RIMKLB: variants seen among roughly 807,000 people sequenced by gnomAD.
RIMKLB encodes the protein beta-citrylglutamate synthase B.
Under a neutral mutation model 32.0 loss-of-function variants are expected in RIMKLB, and 7 were observed. That is an observed-to-expected ratio of 0.22 (90% CI 0.12 to 0.41). RIMKLB has a LOEUF of 0.41. RIMKLB is among the 10% of genes least tolerant of loss of function. RIMKLB has a pLI of 1.00. For synonymous variants in RIMKLB, 172 were observed against 185.1 expected, an observed-to-expected ratio of 0.93 and a Z score of 0.57; for missense variants, 289 against 498.7, an observed-to-expected ratio of 0.58 and a Z score of 4.00.
chr12:8,753,041 C>T (rs1948747073), intron 4 of RIMKLB, among the ~76,000 whole-genome samples: 1 of 152,128 alleles, frequency 6.6e-6, no homozygotes, highest in Non-Finnish European at 1.5e-5. Flanking sequence ...CCACTGCGCC[C>T]AGCCTAAGGT....
chr12:8,761,538 C>T (rs1273009528), intron 5 of RIMKLB, among the ~76,000 whole-genome samples: 2 of 152,112 alleles, frequency 1.3e-5, no homozygotes, highest in Admixed American at 6.5e-5. Context: ...TCCCCCTGTG[C>T]TCTTCAGGCG....
rs1369512412 is a variant in RIMKLB, at chr12:8,776,634, C to T, written c.*2850C>T. 1.1e-5 allele frequency: 10 copies of T among 919,660 alleles called. No individual in the cohort carries two copies. The highest frequency in any genetic ancestry group is 1.3e-5 in the Non-Finnish European group (10 of 770,386). 57.0% of individuals were successfully genotyped at this position (919,660 alleles called of 1,614,324 possible). On this transcript the variant is annotated 3_prime_UTR_variant, in exon 6 of 6. Transcript: ENST00000535829. ...GAAAACTGGACTTTATATATCTAAACATACAAGTATGAACTATTCTATTTA... is the reference window on the plus strand; with the variant it reads ...GAAAACTGGACTTTATATATCTAAATATACAAGTATGAACTATTCTATTTA...
chr12:8,740,136 C>A (rs1311637966), intron 2 of RIMKLB, among the ~76,000 whole-genome samples: 1 of 151,796 alleles, frequency 6.6e-6, no homozygotes, highest in Non-Finnish European at 1.5e-5. Flanking sequence ...AGACTCCTCA[C>A]CTCAAGTGGT....
chr12:8,684,714 AG>A (rs1942516281), intron 1 of RIMKLB, among the ~76,000 whole-genome samples: 1 of 152,108 alleles, frequency 6.6e-6, no homozygotes, highest in African/African-American at 2.4e-5. Context: ...GCAACCTCCC[AG>A]GTTCAAGTGA....
chr12:8,749,113 G>A (rs1424374760), intron 2 of RIMKLB, among the ~76,000 whole-genome samples: 1 of 152,058 alleles, frequency 6.6e-6, no homozygotes, highest in East Asian at 1.9e-4. Flanking sequence ...AATATAGATT[G>A]AGAATTGCAT....
chr12:8,721,996 G>A (rs1193526900), intron 2 of RIMKLB, among the ~76,000 whole-genome samples: 3 of 151,860 alleles, frequency 2.0e-5, no homozygotes, highest in Non-Finnish European at 2.9e-5. Context: ...CACCCACCTC[G>A]GCCTCCCAAA....
intron 2 of RIMKLB, 128 bp from the exon 3 acceptor site, chr12:8,749,734 C>G: frequency 1.6e-6 from 1 of 641,328 alleles, no homozygotes; most frequent in Non-Finnish European, 2.7e-6. Context: ...AGGAGTATCT[C>G]TATCCCAATT....
At chr12:8,739,077 A>G (rs867182296) in intron 2 of RIMKLB, among the ~76,000 whole-genome samples, 22 of 152,204 alleles carry the variant, frequency 1.4e-4, no homozygotes, top group Admixed American at 2.6e-4. Flanking sequence ...TCTAGAAAAG[A>G]CTTTTTTAAA....
chr12:8,709,465 A>G (rs1256244509), intron 1 of RIMKLB, among the ~76,000 whole-genome samples: 1 of 152,262 alleles, frequency 6.6e-6, no homozygotes, highest in Non-Finnish European at 1.5e-5. Context: ...GGGCAGAAGC[A>G]GGCAGGCACG....
chr12:8,748,417 G>GAAAAA (rs751182724), intron 2 of RIMKLB, among the ~76,000 whole-genome samples: 1 of 149,910 alleles, frequency 6.7e-6, no homozygotes, highest in Non-Finnish European at 1.5e-5. Flanking sequence ...GTGTGTATAG[G>GAAAAA]AAAAAAAACA....
At chr12:8,754,554 CCTCTT>C (rs1298376657) in intron 5 of RIMKLB, among the ~76,000 whole-genome samples, 1 of 152,166 alleles carries the variant, frequency 6.6e-6, no homozygotes, top group East Asian at 1.9e-4. Context: ...TTTTTATCCT[CCTCTT>C]CTCTGTTTAT....
intron 2 of RIMKLB, among the ~76,000 whole-genome samples, chr12:8,728,631 G>A (rs954022925): frequency 6.6e-6 from 1 of 151,936 alleles, no homozygotes; most frequent in Admixed American, 6.6e-5. Flanking sequence ...TATTTTTTGA[G>A]ACAAGAGTTT....
At chr12:8,735,114 C>G (rs1386073289) in intron 2 of RIMKLB, among the ~76,000 whole-genome samples, 3 of 152,120 alleles carry the variant, frequency 2.0e-5, no homozygotes, top group Non-Finnish European at 4.4e-5. Context: ...GTTTGTAGGT[C>G]AAATCAAAAA....
At chr12:8,678,098 T>C (rs1008491795), upstream of RIMKLB, among the ~76,000 whole-genome samples, 1 of 151,576 alleles carries the variant, frequency 6.6e-6, no homozygotes, top group Non-Finnish European at 1.5e-5. Context: ...CCTTGCCCCT[T>C]GTTTTTTAGC....
At chr12:8,719,368 T>C (rs1171042553) in intron 2 of RIMKLB, among the ~76,000 whole-genome samples, 1 of 152,160 alleles carries the variant, frequency 6.6e-6, no homozygotes, top group African/African-American at 2.4e-5. Flanking sequence ...TTTTTTTGTT[T>C]TGTTTTGTTT....
chr12:8,744,068 A>C (rs1947846661), intron 2 of RIMKLB, among the ~76,000 whole-genome samples: 1 of 151,956 alleles, frequency 6.6e-6, no homozygotes, highest in African/African-American at 2.4e-5. Flanking sequence ...TTTACTAAAT[A>C]ACATGGGTCT....
intron 7 of RIMKLB, among the ~76,000 whole-genome samples, chr12:8,782,210 AAG>A (rs1203866619): frequency 6.6e-6 from 1 of 150,818 alleles, no homozygotes; most frequent in Non-Finnish European, 1.5e-5. Flanking sequence ...CCTGGAACAC[AAG>A]AGAGCATTTA....
At chr12:8,781,255 C>G (rs765174967), downstream of RIMKLB, among the ~76,000 whole-genome samples, 1 of 152,116 alleles carries the variant, frequency 6.6e-6, no homozygotes, top group Admixed American at 6.5e-5. Flanking sequence ...GCAGGAGAAT[C>G]GCTTGAAACC....
intron 2 of RIMKLB, among the ~76,000 whole-genome samples, chr12:8,736,474 G>T (rs1483333553): frequency 3.3e-5 from 5 of 149,374 alleles, no homozygotes; most frequent in African/African-American, 1.2e-4. Flanking sequence ...TGTTTTCTGA[G>T]CTATTTAGAT....
Sources: allele counts gnomAD v4.1 joint callset (sites outside exome capture counted in the v4.1 genomes callset), GRCh38; gene constraint gnomAD v4.1.1; transcripts MANE v1.5; gene names NCBI Gene and HGNC (gene_info 2026-07-23, HGNC 2026-07-21).